SYCP1: variants seen among roughly 807,000 people sequenced by gnomAD.
SYCP1 encodes cancer/testis antigen 8.
SYCP1 carries 64 observed loss-of-function variants against 153.1 expected under a neutral mutation model. The ratio of observed to expected loss-of-function variants is 0.42; its 90% CI spans 0.34 to 0.51. SYCP1 has a LOEUF of 0.51. SYCP1 is among the 20% of genes least tolerant of loss of function. SYCP1 has a pLI of 0.06. For missense variants in SYCP1, 997 were observed against 1,049.0 expected, an observed-to-expected ratio of 0.95 and a Z score of 0.68; for synonymous variants, 384 against 341.8, an observed-to-expected ratio of 1.12 and a Z score of -1.36.
intron 20 of SYCP1, among the ~76,000 whole-genome samples, chr1:114,915,517 A>G (rs942781902): frequency 6.6e-6 from 1 of 152,190 alleles, no homozygotes; most frequent in Non-Finnish European, 1.5e-5. Flanking sequence ...ACAAATTCAC[A>G]TTATCAGTTA....
intron 27 of SYCP1, among the ~76,000 whole-genome samples, chr1:114,960,163 G>GTTTTTTTTTTTTTTTTTTT (rs757126453): frequency 8.2e-5 from 9 of 109,476 alleles, no homozygotes; most frequent in East Asian, 2.5e-4. Flanking sequence ...TAGTTTGCTT[G>GTTTTTTTTTTTTTTTTTTT]TTTTTTTTTT....
At chr1:114,936,471 C>T (rs1317202037) in intron 23 of SYCP1, among the ~76,000 whole-genome samples, 5 of 152,122 alleles carry the variant, frequency 3.3e-5, no homozygotes, top group Non-Finnish European at 5.9e-5. Context: ...AAACTGGAAG[C>T]ATTCCCTTTG....
intron 25 of SYCP1, 30 bp from the exon 26 acceptor site, chr1:114,946,259 T>A (rs140408977): frequency 5.6e-6 from 7 of 1,259,066 alleles, no homozygotes; most frequent in Non-Finnish European, 7.6e-6. Flanking sequence ...AGTTTTAATA[T>A]ATCTAAAATG....
At chr1:114,868,418 A>G (rs1664901822) in intron 8 of SYCP1, among the ~76,000 whole-genome samples, 1 of 152,066 alleles carries the variant, frequency 6.6e-6, no homozygotes, top group Non-Finnish European at 1.5e-5. Flanking sequence ...TGGAATTGGG[A>G]TTATAGGTGT....
intron 30 of SYCP1, among the ~76,000 whole-genome samples, chr1:114,993,993 C>T (rs908268689): frequency 2.1e-5 from 3 of 140,248 alleles, no homozygotes; most frequent in African/African-American, 7.5e-5. Flanking sequence ...TCTTTTGTGA[C>T]CATTTTTTTT....
intron 8 of SYCP1, among the ~76,000 whole-genome samples, chr1:114,864,688 A>G (rs77074578): frequency 0.032 from 4,795 of 151,874 alleles, 234 homozygotes; most frequent in African/African-American, 0.11. Context: ...GGGTTTCGCC[A>G]TGTTGCCCAG....
chr1:114,946,233 A>G, intron 25 of SYCP1, 56 bp from the exon 26 acceptor site: 1 of 796,372 alleles, frequency 1.3e-6, no homozygotes, highest in South Asian at 3.0e-5. Flanking sequence ...TAGGATACCA[A>G]TCTTATAATC....
In SYCP1 at chr1:114,947,161, A is replaced by G. The variant is rs550480631; in HGVS notation, c.2248-85A>G. The stretch of plus-strand genomic sequence containing the variant: ...TGAATTTATTTCTCTACAATATTAA[A>G]TTTACTCAGAGCACTAGTTTATATT... On this transcript the variant is annotated intron_variant, in intron 26 of 31. Coordinates refer to ENST00000369522, the MANE Select transcript of SYCP1 (RefSeq NM_003176.4). The G allele has an allele frequency of 7.1e-6, 7 of 983,116 alleles. No individual in the cohort carries two copies. In the East Asian group the frequency reaches 1.7e-4, roughly 24 times the overall value. 60.9% of individuals were successfully genotyped at this position (983,116 alleles called of 1,614,324 possible).
intron 20 of SYCP1, among the ~76,000 whole-genome samples, chr1:114,916,934 G>A (rs886515055): frequency 3.3e-5 from 5 of 151,946 alleles, no homozygotes; most frequent in Non-Finnish European, 5.9e-5. Flanking sequence ...GGCATACAAT[G>A]TGTAATAATC....
At position 114,857,641 on chromosome 1, in the gene SYCP1, T is replaced by A. The variant is rs537162772; in HGVS notation, c.291+144T>A. On this transcript the variant is annotated intron_variant, in intron 5 of 31. Coordinates refer to ENST00000369522, the MANE Select transcript of SYCP1 (RefSeq NM_003176.4). ...ATCCTTTAAAACCTTTTTTTCTGCT[T>A]CTGTATTTTTTGGGTTATGAAAGTT... 29 of 613,596 alleles carry A rather than the reference T, an allele frequency of 4.7e-5. No individual in the cohort carries two copies. In the Admixed American group the frequency reaches 6.9e-4, roughly 15 times the overall value. The allele number at this position is 613,596 out of a possible 1,614,324, so 38.0% of individuals were successfully genotyped here.
At chr1:114,928,354 G>T (rs1669392889) in intron 23 of SYCP1, among the ~76,000 whole-genome samples, 2 of 152,152 alleles carry the variant, frequency 1.3e-5, no homozygotes, top group African/African-American at 2.4e-5. Context: ...CTTGTATCAG[G>T]ACAGTGAAGG....
rs542175815 is a variant in SYCP1, at chr1:114,962,545, T to G, written c.2323-15012T>G. 5.2e-4 allele frequency among the ~76,000 whole-genome samples: 79 copies of G among 152,330 alleles called. 2 individuals are homozygous for G. In the South Asian group the frequency reaches 0.016, roughly 31 times the overall value. On this transcript the variant is annotated intron_variant, in intron 27 of 31. Transcript: ENST00000369522. ...TCCACCCCTTTACCTTAAGTTTATGTGAGTCTGTATGTGTTATGTTAGGTG... is the reference window on the plus strand; with the variant it reads ...TCCACCCCTTTACCTTAAGTTTATGGGAGTCTGTATGTGTTATGTTAGGTG...
intron 8 of SYCP1, among the ~76,000 whole-genome samples, chr1:114,868,453 A>G (rs1034027097): frequency 1.3e-5 from 2 of 151,914 alleles, no homozygotes; most frequent in African/African-American, 4.8e-5. Flanking sequence ...GGCTCCTTTT[A>G]TATATTGTTG....
In SYCP1 at chr1:114,896,138, T is replaced by C. The variant is rs547067640; in HGVS notation, c.1320+629T>C. Among the ~76,000 whole-genome samples, 416 of 152,326 alleles carry C rather than the reference T, an allele frequency of 2.7e-3. 1 individual carries two copies. The highest frequency in any genetic ancestry group is 5.0e-3 in the Non-Finnish European group (342 of 68,022). ...GAAAACAGACTGCAGGCTGAATTTGTCTTGCATACTGCAGTTTTCTGGCCC... is the reference window on the plus strand; with the variant it reads ...GAAAACAGACTGCAGGCTGAATTTGCCTTGCATACTGCAGTTTTCTGGCCC... On this transcript the variant is annotated intron_variant, in intron 16 of 31. Coordinates refer to ENST00000369522, the MANE Select transcript of SYCP1 (RefSeq NM_003176.4).
At chr1:114,902,427 G>A (rs908476465) in intron 16 of SYCP1, among the ~76,000 whole-genome samples, 2 of 152,150 alleles carry the variant, frequency 1.3e-5, no homozygotes, top group Non-Finnish European at 2.9e-5. Flanking sequence ...GGTGAGTAGG[G>A]CAGGGTTTAT....
intron 13 of SYCP1, 48 bp from the exon 14 acceptor site, chr1:114,886,077 T>G (rs1365338109): frequency 7.5e-7 from 1 of 1,335,472 alleles, no homozygotes; most frequent in South Asian, 1.6e-5. Context: ...GCTTTTTTGG[T>G]TAAGGCCTTT....
chr1:114,986,836 C>T (rs886758757), intron 30 of SYCP1, among the ~76,000 whole-genome samples: 1 of 151,912 alleles, frequency 6.6e-6, no homozygotes, highest in African/African-American at 2.4e-5. Flanking sequence ...TTTATAGCTT[C>T]CAGGGGAAAG....
intron 16 of SYCP1, among the ~76,000 whole-genome samples, chr1:114,909,873 G>A (rs1332100883): frequency 6.6e-6 from 1 of 152,086 alleles, no homozygotes; most frequent in Non-Finnish European, 1.5e-5. Context: ...TGGCTTTCTT[G>A]TTTTTAGGTT....
chr1:114,917,477 T>C (rs1343699957), intron 20 of SYCP1, among the ~76,000 whole-genome samples: 3 of 152,186 alleles, frequency 2.0e-5, no homozygotes, highest in African/African-American at 7.2e-5. Flanking sequence ...TTAGATATAC[T>C]GATTTCCTTT....
Sources: allele counts gnomAD v4.1 joint callset (sites outside exome capture counted in the v4.1 genomes callset), GRCh38; gene constraint gnomAD v4.1.1; transcripts MANE v1.5; gene names NCBI Gene and HGNC (gene_info 2026-07-23, HGNC 2026-07-21).